Variants in PRRG1 observed in about 807,000 individuals in gnomAD.
The protein encoded by PRRG1 is proline rich and Gla domain 1, also known as transmembrane gamma-carboxyglutamic acid protein 1.
Under a neutral mutation model 11.8 loss-of-function variants are expected in PRRG1, and 5 were observed. That is an observed-to-expected ratio of 0.42 (90% CI 0.22 to 0.89). The LOEUF is 0.89. PRRG1 is among the 40% of genes least tolerant of loss of function. The probability of loss-of-function intolerance (pLI) is 0.28; values close to 1 mark genes in which losing one functional copy is unlikely to be tolerated. For synonymous variants in PRRG1, 66 were observed against 60.4 expected (o/e 1.09, Z -0.43); for missense variants, 155 against 166.1 (o/e 0.93, Z 0.37).
At chrX:37,351,660 T>G (rs1421170443) in intron 1 of PRRG1, among the ~76,000 whole-genome samples, 1 of 112,282 alleles carries the variant, frequency 8.9e-6, no homozygotes, top group Admixed American at 9.4e-5. Flanking sequence ...TTCTCATGTA[T>G]TAGTCATAGT....
At position 37,425,932 on chromosome X, in the gene PRRG1, CG is replaced by C; in HGVS notation, c.104del (p.Arg35LeufsTer53). The C allele has an allele frequency of 1.7e-6, 2 of 1,204,965 alleles. No individual in the cohort carries two copies. Among genetic ancestry groups the C allele is most frequent in the Non-Finnish European group, 2.2e-6 (2 of 892,107 alleles). The stretch of plus-strand genomic sequence containing the variant: ...AGAAATAAGACAGGGCAACATTGAG[CG>C]TGAGTGCAAAGAAGAATTCTGTACA... Reference protein sequence around the residue: ...FEEIRQGNIERECKEEFCTFE... With the variant: ...FEEIRQGNIEXECKEEFCTFE... On this transcript the variant is annotated frameshift_variant, in exon 3 of 4. Coordinates refer to ENST00000378628, the MANE Select transcript of PRRG1 (RefSeq NM_001142395.2). LOFTEE classifies it high-confidence loss of function.
At chrX:37,420,684 AAAAG>A (rs1257305935) in intron 2 of PRRG1, among the ~76,000 whole-genome samples, 33 of 105,322 alleles carry the variant, frequency 3.1e-4, no homozygotes, top group African/African-American at 1.1e-3. Context: ...AAAAAAAAAA[AAAAG>A]AAAAGAAAGA....
chrX:37,431,017 G>T (rs1379986229), intron 3 of PRRG1, among the ~76,000 whole-genome samples: 1 of 112,045 alleles, frequency 8.9e-6, no homozygotes, highest in African/African-American at 3.2e-5. Context: ...GGAACCTTTT[G>T]ATATTGGCTT....
chrX:37,352,606 C>A (rs945416255), intron 1 of PRRG1, among the ~76,000 whole-genome samples: 19 of 111,478 alleles, frequency 1.7e-4, no homozygotes, highest in African/African-American at 5.9e-4. Flanking sequence ...TAACCTCAGT[C>A]ACCTCCACAG....
chrX:37,417,785 A>T (rs1417211720), intron 2 of PRRG1, among the ~76,000 whole-genome samples: 17 of 112,036 alleles, frequency 1.5e-4, no homozygotes, highest in African/African-American at 5.2e-4. Context: ...AAAATGACTT[A>T]CAAGCGAGAA....
chrX:37,388,535 C>G (rs148998820), intron 1 of PRRG1, among the ~76,000 whole-genome samples: 224 of 113,417 alleles, frequency 2.0e-3, no homozygotes, highest in Middle Eastern at 4.6e-3. Flanking sequence ...TGGCTTACAT[C>G]TTCTGAAGCA....
In PRRG1 at chrX:37,453,186, AG is replaced by A; in HGVS notation, c.224del (p.Gly75GlufsTer13). 8.3e-7 allele frequency: 1 copy of A among 1,208,950 alleles called. No individual in the cohort carries two copies. Among genetic ancestry groups the A allele is most frequent in the East Asian group, 3.0e-5 (1 of 33,850 alleles). Reference protein sequence around the residue: ...TKAQQGESNRGSDWFQFYLTF... With the variant: ...TKAQQGESNRXSDWFQFYLTF... Reference sequence around the variant, plus strand: ...AAGCGCAACAAGGGGAGAGTAACCGAGGAAGTGACTGGTTTCAGTTTTACCT... The same window carrying A: ...AAGCGCAACAAGGGGAGAGTAACCGAGAAGTGACTGGTTTCAGTTTTACCT... On this transcript the variant is annotated frameshift_variant, in exon 4 of 4. Coordinates refer to ENST00000378628, the MANE Select transcript of PRRG1 (RefSeq NM_001142395.2). LOFTEE classifies it high-confidence loss of function.
chrX:37,402,267 G>A (rs1165381248), intron 1 of PRRG1, among the ~76,000 whole-genome samples: 1 of 111,455 alleles, frequency 9.0e-6, no homozygotes, highest in African/African-American at 3.3e-5. Flanking sequence ...AAAACAGCAT[G>A]GTACTGGTAC....
intron 2 of PRRG1, among the ~76,000 whole-genome samples, chrX:37,421,140 G>A (rs1556386947): frequency 9.0e-6 from 1 of 111,629 alleles, no homozygotes; most frequent in Admixed American, 9.6e-5. Context: ...TGAAGAGAAA[G>A]CATGGATGAG....
At position 37,404,692 on chromosome X, in the gene PRRG1, T is replaced by G. The variant is rs1932133096; in HGVS notation, c.-41-1517T>G. On this transcript the variant is annotated intron_variant, in intron 1 of 3. Coordinates refer to ENST00000378628, the MANE Select transcript of PRRG1 (RefSeq NM_001142395.2). ...TGAAGAGTTCCACCCTAACCCATTT[T>G]TTATATATTGGTGGTCCGCATAAAA... is the stretch of plus-strand genomic sequence containing the variant. Among the ~76,000 whole-genome samples, 3 of 111,326 alleles carry G rather than the reference T, an allele frequency of 2.7e-5. No homozygotes were observed. In the Admixed American group the frequency reaches 2.9e-4, roughly 11 times the overall value.
chrX:37,362,215 A>G (rs1316769557), intron 1 of PRRG1, among the ~76,000 whole-genome samples: 1 of 112,091 alleles, frequency 8.9e-6, no homozygotes, highest in African/African-American at 3.2e-5. Flanking sequence ...TTGAATTTTA[A>G]ACTTCCTTTA....
intron 1 of PRRG1, among the ~76,000 whole-genome samples, chrX:37,403,203 C>A (rs1222248627): frequency 6.4e-5 from 7 of 109,772 alleles, no homozygotes; most frequent in Non-Finnish European, 9.5e-5. Context: ...TGGCACTATT[C>A]ACAATAGCAA....
intron 1 of PRRG1, among the ~76,000 whole-genome samples, chrX:37,394,092 C>T (rs1556377473): frequency 8.9e-6 from 1 of 112,345 alleles, no homozygotes; most frequent in East Asian, 2.8e-4. Context: ...TATCATTTAT[C>T]AAGAAGTCTT....
chrX:37,412,512 T>G (rs1384130027), intron 2 of PRRG1, among the ~76,000 whole-genome samples: 1 of 111,808 alleles, frequency 8.9e-6, no homozygotes, highest in African/African-American at 3.3e-5. Flanking sequence ...CAATTAATTA[T>G]TTCATTTTTC....
chrX:37,416,591 G>C (rs1187351883), intron 2 of PRRG1, among the ~76,000 whole-genome samples: 1 of 111,989 alleles, frequency 8.9e-6, no homozygotes, highest in Non-Finnish European at 1.9e-5. Flanking sequence ...AGTAGAACTA[G>C]CTATCTTTGG....
chrX:37,351,366 G>A (rs184267001), intron 1 of PRRG1, among the ~76,000 whole-genome samples: 3 of 109,672 alleles, frequency 2.7e-5, no homozygotes, highest in African/African-American at 1.0e-4. Flanking sequence ...GTGGTGGTGG[G>A]CGCCTGTAGT....
intron 1 of PRRG1, among the ~76,000 whole-genome samples, chrX:37,351,289 TC>T (rs1930053934): frequency 9.0e-6 from 1 of 110,944 alleles, no homozygotes; most frequent in Admixed American, 9.5e-5. Flanking sequence ...GGCCAGGAGA[TC>T]CAGACCATCC....
intron 3 of PRRG1, chrX:37,440,947 T>G (rs1932964985): frequency 1.7e-6 from 1 of 589,474 alleles, no homozygotes; most frequent in Non-Finnish European, 2.6e-6. Context: ...AAAACAAAAT[T>G]ATGTGCAGAC....
intron 3 of PRRG1, among the ~76,000 whole-genome samples, chrX:37,445,802 A>G (rs1933065770): frequency 8.9e-6 from 1 of 112,906 alleles, no homozygotes; most frequent in South Asian, 3.6e-4. Flanking sequence ...AGCCAAATAT[A>G]GCCCACCATC....
Sources: allele counts gnomAD v4.1 joint callset (sites outside exome capture counted in the v4.1 genomes callset), GRCh38; gene constraint gnomAD v4.1.1; transcripts MANE v1.5; gene names NCBI Gene and HGNC (gene_info 2026-07-23, HGNC 2026-07-21).